CIT: variants seen among roughly 807,000 people sequenced by gnomAD.
The protein encoded by CIT is citron rho-interacting serine/threonine kinase.
Under a neutral mutation model 272.7 loss-of-function variants are expected in CIT, and 79 were observed. The ratio of observed to expected loss-of-function variants is 0.29; its 90% confidence interval spans 0.24 to 0.35. The LOEUF is 0.35. Ranked by LOEUF, CIT falls within the 10% of genes least tolerant of loss-of-function variation. The pLI is 1.00. For synonymous variants in CIT, 948 were observed against 995.6 expected (o/e 0.95, Z 0.90); for missense variants, 1,909 against 2,618.3 (o/e 0.73, Z 5.91).
In CIT at chr12:119,713,460, C is replaced by T; in HGVS notation, c.4487+8G>A. 6.2e-7 allele frequency: 1 copy of T among 1,613,188 alleles called. No homozygotes were observed. The highest frequency in any genetic ancestry group is 8.5e-7 in the Non-Finnish European group (1 of 1,179,472). ...CCTGCTCCAGCCCAAGCCACCCTGA[C>T]ATGGTACCTGGGCACCTTCATCCAC... On this transcript the variant is annotated splice_region_variant and intron_variant, in intron 34 of 47. Coordinates refer to ENST00000392521, the MANE Select transcript of CIT (RefSeq NM_001206999.2). This position sits in a 1 kb window ranked among gnomAD's most constrained non-coding sequence, Gnocchi z 5.2.
In CIT at chr12:119,784,816, G is replaced by A; in HGVS notation, c.1401+144C>T. On this transcript the variant is annotated intron_variant, in intron 11 of 47. Transcript: ENST00000392521. The surrounding 1 kb of genome is among the most constrained non-coding windows in gnomAD (Gnocchi z 4.7). ...TTCATCTCCCTCTGAGCTGCTGGAGGCGCGACTTCAGCGAAGGCAGGAGCG... is the reference window on the plus strand; with the variant it reads ...TTCATCTCCCTCTGAGCTGCTGGAGACGCGACTTCAGCGAAGGCAGGAGCG... The A allele has an allele frequency of 6.9e-7, 1 of 1,445,702 alleles. No individual in the cohort carries two copies. Among genetic ancestry groups the A allele is most frequent in the Non-Finnish European group, 9.1e-7 (1 of 1,100,418 alleles). The allele number at this position is 1,445,702 out of a possible 1,614,324, so 89.6% of individuals were successfully genotyped here.
At position 119,690,896 on chromosome 12, in the gene CIT, A is replaced by G. The variant is rs58677339; in HGVS notation, c.5883-442T>C. On this transcript the variant is annotated intron_variant, in intron 46 of 47. Transcript: ENST00000392521. The surrounding 1 kb of genome is among the most constrained non-coding windows in gnomAD (Gnocchi z 6.0). ...CCAATAAAGACCAGTTTGATAGGCC[A>G]GGCGCAGTGGCGCACACCTGTAATC... 0.051 allele frequency among the ~76,000 whole-genome samples: 7,725 copies of G among 152,320 alleles called. 649 individuals carry two copies. The highest frequency in any genetic ancestry group is 0.18 in the African/African-American group (7,372 of 41,556).
intron 19 of CIT, among the ~76,000 whole-genome samples, chr12:119,766,518 G>C (rs1262194348): frequency 6.6e-6 from 1 of 152,178 alleles, no homozygotes. Flanking sequence ...GGTAGGGATG[G>C]TTAATGGCTG....
At chr12:119,746,375 T>G (rs1047970580) in intron 23 of CIT, among the ~76,000 whole-genome samples, 1 of 152,180 alleles carries the variant, frequency 6.6e-6, no homozygotes, top group Non-Finnish European at 1.5e-5. Context: ...TAATAAAACT[T>G]TATTTACAGA....
intron 41 of CIT, among the ~76,000 whole-genome samples, chr12:119,702,798 T>C (rs1285677310): frequency 6.6e-6 from 1 of 152,148 alleles, no homozygotes; most frequent in South Asian, 2.1e-4. Flanking sequence ...ATACAACAAC[T>C]ATTAACAGTG....
chr12:119,780,694 C>G (rs954036505), intron 13 of CIT, among the ~76,000 whole-genome samples: 1 of 152,164 alleles, frequency 6.6e-6, no homozygotes, highest in Non-Finnish European at 1.5e-5. Flanking sequence ...TAGAAAAAAT[C>G]AATATGCCAC....
chr12:119,708,682 G>A (rs766027786), intron 39 of CIT, among the ~76,000 whole-genome samples: 98 of 152,086 alleles, frequency 6.4e-4, no homozygotes, highest in Non-Finnish European at 9.9e-4. Context: ...TAGAGATGGG[G>A]TTTCGCCATG....
intron 3 of CIT, among the ~76,000 whole-genome samples, chr12:119,862,808 T>TAAAAAAAAAAAAAA (rs1157467178): frequency 6.8e-4 from 7 of 10,246 alleles, no homozygotes; most frequent in Non-Finnish European, 9.4e-4. Context: ...AGACTCTACC[T>TAAAAAAAAAAAAAA]AAAAAAAAAA....
rs1294785778 is a variant in CIT at position 119,714,053 on chromosome 12, A to C, written c.4306+144T>G. The C allele has an allele frequency of 1.7e-5, 16 of 930,476 alleles. No individual in the cohort carries two copies. The East Asian group carries it at 4.0e-4, about 23-fold the overall frequency. 57.6% of individuals were successfully genotyped at this position (930,476 alleles called of 1,614,324 possible). On this transcript the variant is annotated intron_variant, in intron 33 of 47. Coordinates refer to ENST00000392521, the MANE Select transcript of CIT (RefSeq NM_001206999.2). Reference sequence around the variant, plus strand: ...ATAAACTCACAGCTTCAACAGGGGAAAAATAGCATCCTCCTACTGAAGTAA... The same window carrying C: ...ATAAACTCACAGCTTCAACAGGGGACAAATAGCATCCTCCTACTGAAGTAA...
At chr12:119,769,644 A>G (rs1962860351) in intron 18 of CIT, among the ~76,000 whole-genome samples, 1 of 152,178 alleles carries the variant, frequency 6.6e-6, no homozygotes, top group South Asian at 2.1e-4. Context: ...TAGCCAAGAG[A>G]AACTTTGATG....
At position 119,710,176 on chromosome 12, in the gene CIT, C is replaced by G; in HGVS notation, c.5071+75G>C. On this transcript the variant is annotated intron_variant, in intron 39 of 47. Transcript: ENST00000392521. This position sits in a 1 kb window ranked among gnomAD's most constrained non-coding sequence, Gnocchi z 5.6. Reference sequence around the variant, plus strand: ...CTCCTCTCTACTATTTTGTGTTTTACGAGCATGAAACGTGGCTTCAACATA... The same window carrying G: ...CTCCTCTCTACTATTTTGTGTTTTAGGAGCATGAAACGTGGCTTCAACATA... 6.6e-7 allele frequency: 1 copy of G among 1,522,048 alleles called. No homozygotes were observed. Among genetic ancestry groups the G allele is most frequent in the Non-Finnish European group, 8.9e-7 (1 of 1,120,680 alleles). The allele number at this position is 1,522,048 out of a possible 1,614,324, so 94.3% of individuals were successfully genotyped here. A position where few individuals can be genotyped will look rare whatever the true frequency, so the allele number is the denominator to read the frequency against.
At chr12:119,856,033 C>T (rs2138293817) in intron 4 of CIT, among the ~76,000 whole-genome samples, 1 of 152,290 alleles carries the variant, frequency 6.6e-6, no homozygotes, top group South Asian at 2.1e-4. Context: ...CTGCCATGTC[C>T]TGTCACTTTT....
At chr12:119,691,574 A>G (rs73412162) in intron 46 of CIT, among the ~76,000 whole-genome samples, 7,706 of 152,276 alleles carry the variant, frequency 0.051, 644 homozygotes, top group African/African-American at 0.18. Context: ...AGACAAAGTA[A>G]AGCGGGCTCA....
intron 2 of CIT, among the ~76,000 whole-genome samples, chr12:119,872,889 G>A (rs111967048): frequency 0.047 from 7,100 of 152,080 alleles, 250 homozygotes; most frequent in Middle Eastern, 0.088. Context: ...CTCTGCCTCC[G>A]GGGCCCCAGA....
Position 119,776,850 on chromosome 12 carries a change from G to T in CIT, c.1666-8C>A. ...CACTTGAGCCTGGTACTCCTAAAGA[G>T]CAGGCAATGAAATAAAAGAGAACTT... On this transcript the variant is annotated splice_polypyrimidine_tract_variant and splice_region_variant and intron_variant, in intron 13 of 47. Transcript: ENST00000392521. 6.2e-7 allele frequency: 1 copy of T among 1,613,152 alleles called. No homozygotes were observed. The highest frequency in any genetic ancestry group is 8.5e-7 in the Non-Finnish European group (1 of 1,179,838).
rs1200813741 is a variant in CIT at position 119,857,646 on chromosome 12, G to A, written c.291C>T (p.Phe97=). 5.0e-6 allele frequency: 8 copies of A among 1,613,978 alleles called. No individual in the cohort carries two copies. The highest frequency in any genetic ancestry group is 2.7e-5 in the African/African-American group (2 of 74,896). ...CACAACCTACAAGACTTCTGACTTC[G>A]AAGTCCTTTGCCGAAGGCTGGAGCT... The part of the protein sequence containing the change: ...LQELQPSAKD[F]EVRSLVGCGH... The change falls in exon 4 of 48, where the codon TTC becomes TTT. Residue 97 remains phenylalanine, a synonymous_variant. Transcript: ENST00000392521.
At chr12:119,698,249 G>A (rs768172270) in intron 44 of CIT, 195 bp from the exon 45 acceptor site, 4 of 622,062 alleles carry the variant, frequency 6.4e-6, no homozygotes, top group Non-Finnish European at 8.7e-6. Flanking sequence ...TACAGCAGAA[G>A]ATGGAAAACA....
intron 5 of CIT, among the ~76,000 whole-genome samples, chr12:119,839,753 G>C (rs1339866326): frequency 6.6e-6 from 1 of 152,118 alleles, no homozygotes; most frequent in Non-Finnish European, 1.5e-5. Context: ...ACGTTCATTA[G>C]GGAAGGGGCT....
In CIT at chr12:119,752,266, G is replaced by GAGAA; in HGVS notation, c.2707-23_2707-20dup. 1 of 1,580,212 alleles carries GAGAA rather than the reference G, an allele frequency of 6.3e-7. No homozygotes were observed. Among genetic ancestry groups the GAGAA allele is most frequent in the Non-Finnish European group, 8.6e-7 (1 of 1,163,698 alleles). ...GACTGACCTGAGACAGAGAGAGAGA[G>GAGAA]AGAAAGAGAGATAAACCCTTGCTTG... On this transcript the variant is annotated intron_variant, in intron 22 of 47. Transcript: ENST00000392521.
Sources: allele counts gnomAD v4.1 joint callset (sites outside exome capture counted in the v4.1 genomes callset), GRCh38; gene constraint gnomAD v4.1.1; non-coding constraint Gnocchi (gnomAD v3.1); transcripts MANE v1.5; gene names NCBI Gene and HGNC (gene_info 2026-07-23, HGNC 2026-07-21).